The following SLCO3A1 variants were observed in gnomAD, a reference collection of about 807,000 sequenced individuals.
SLCO3A1 encodes the protein solute carrier organic anion transporter family member 3A1.
SLCO3A1 carries 27 observed loss-of-function variants against 63.1 expected under a neutral mutation model. The observed-to-expected ratio is 0.43, with a 90% CI of 0.32 to 0.59. The LOEUF (loss-of-function observed/expected upper bound fraction) is 0.59, where lower values mean the gene tolerates loss of function less well. Among genes scored for constraint, SLCO3A1 ranks in the 20% least tolerant of loss-of-function variants. The probability of loss-of-function intolerance (pLI) is 0.09; values close to 1 mark genes in which losing one functional copy is unlikely to be tolerated. For synonymous variants in SLCO3A1, 473 were observed against 409.9 expected (o/e 1.15, Z -1.86); for missense variants, 773 against 945.8 (o/e 0.82, Z 2.40).
intron 2 of SLCO3A1, among the ~76,000 whole-genome samples, chr15:92,061,993 AACTC>A (rs759155574): frequency 1.3e-4 from 20 of 152,120 alleles, no homozygotes; most frequent in Non-Finnish European, 2.6e-4. Flanking sequence ...ACAGCGCCCC[AACTC>A]ACACCCAGCC....
At chr15:92,096,165 G>C (rs548686107) in intron 3 of SLCO3A1, among the ~76,000 whole-genome samples, 3 of 152,310 alleles carry the variant, frequency 2.0e-5, no homozygotes, top group East Asian at 1.9e-4. Context: ...CCAAGGCTCA[G>C]CTTGGGGAGG....
chr15:91,947,902 G>A (rs1250651233), intron 2 of SLCO3A1, among the ~76,000 whole-genome samples: 1 of 152,160 alleles, frequency 6.6e-6, no homozygotes, highest in African/African-American at 2.4e-5. Flanking sequence ...TTGACACACA[G>A]CTGCTGGCAA....
chr15:91,953,249 G>C (rs1900058003), intron 2 of SLCO3A1, among the ~76,000 whole-genome samples: 1 of 152,232 alleles, frequency 6.6e-6, no homozygotes, highest in South Asian at 2.1e-4. Flanking sequence ...TCACTCGTTT[G>C]TTCTAACCTT....
chr15:92,120,083 A>G (rs1316056062), intron 4 of SLCO3A1, among the ~76,000 whole-genome samples: 1 of 152,108 alleles, frequency 6.6e-6, no homozygotes, highest in African/African-American at 2.4e-5. Flanking sequence ...ATAAACACAC[A>G]CACACACACA....
At chr15:91,876,169 C>T (rs533817853) in intron 1 of SLCO3A1, among the ~76,000 whole-genome samples, 1 of 152,310 alleles carries the variant, frequency 6.6e-6, no homozygotes, top group African/African-American at 2.4e-5. Context: ...TAAAAGCCAC[C>T]TCCTGCTAAA....
At chr15:91,898,911 C>T (rs568731424) in intron 1 of SLCO3A1, among the ~76,000 whole-genome samples, 28 of 152,178 alleles carry the variant, frequency 1.8e-4, no homozygotes, top group Non-Finnish European at 1.5e-5. Context: ...TTTTATTCTT[C>T]GTGGCTCCTA....
At chr15:92,145,604 G>A (rs2048211544) in intron 7 of SLCO3A1, among the ~76,000 whole-genome samples, 1 of 152,142 alleles carries the variant, frequency 6.6e-6, no homozygotes, top group South Asian at 2.1e-4. Flanking sequence ...TGCCCAGTGA[G>A]GTGAGGTTCT....
Position 92,033,830 on chromosome 15 carries a change from C to G in SLCO3A1, c.647-61051C>G, listed in dbSNP as rs577259464. 6.1e-4 allele frequency among the ~76,000 whole-genome samples: 93 copies of G among 152,236 alleles called. 1 individual carries two copies. The highest frequency in any genetic ancestry group is 1.9e-3 in the African/African-American group (80 of 41,534). On this transcript the variant is annotated intron_variant, in intron 2 of 9. Coordinates refer to ENST00000318445, the MANE Select transcript of SLCO3A1 (RefSeq NM_013272.4). This position sits in a 1 kb window ranked among gnomAD's most constrained non-coding sequence, Gnocchi z 4.5. ...GTAAAGACATCAAGGGAGTGAGGGA[C>G]AAGCCGGGAGGTTATCTGGAGGAAA...
At chr15:92,071,429 G>C (rs530711426) in intron 2 of SLCO3A1, among the ~76,000 whole-genome samples, 1 of 152,278 alleles carries the variant, frequency 6.6e-6, no homozygotes, top group Non-Finnish European at 1.5e-5. Context: ...GTTTGGACTT[G>C]GAAACAGATG....
chr15:92,061,425 C>T (rs889598123), intron 2 of SLCO3A1, among the ~76,000 whole-genome samples: 2 of 152,232 alleles, frequency 1.3e-5, no homozygotes, highest in Admixed American at 1.3e-4. Context: ...CTTCTCTCCA[C>T]TCCCCACTGG....
At chr15:92,064,987 A>G (rs1329337145) in intron 2 of SLCO3A1, among the ~76,000 whole-genome samples, 1 of 152,244 alleles carries the variant, frequency 6.6e-6, no homozygotes, top group Non-Finnish European at 1.5e-5. Context: ...AATTTATTAT[A>G]TTTTTAAAAA....
At chr15:92,159,431 G>A (rs1228157731) in intron 9 of SLCO3A1, among the ~76,000 whole-genome samples, 1 of 151,664 alleles carries the variant, frequency 6.6e-6, no homozygotes, top group Non-Finnish European at 1.5e-5. Context: ...GTTGTAGTGA[G>A]CCGAGATCAT....
intron 2 of SLCO3A1, among the ~76,000 whole-genome samples, chr15:92,084,624 C>G (rs969479398): frequency 2.0e-5 from 3 of 152,048 alleles, no homozygotes; most frequent in Non-Finnish European, 4.4e-5. Flanking sequence ...GATAGCAGTC[C>G]CTGGGTTTCT....
intron 2 of SLCO3A1, among the ~76,000 whole-genome samples, chr15:91,930,139 C>T (rs1899173078): frequency 6.6e-6 from 1 of 152,068 alleles, no homozygotes; most frequent in Non-Finnish European, 1.5e-5. Flanking sequence ...CCTTGTCCTC[C>T]CCTCTCTCTT....
chr15:92,108,224 G>T (rs2047688771), intron 4 of SLCO3A1, among the ~76,000 whole-genome samples: 1 of 152,128 alleles, frequency 6.6e-6, no homozygotes, highest in African/African-American at 2.4e-5. Context: ...CAAATGCTTG[G>T]GTTTGTTAAA....
At chr15:91,957,921 A>G (rs1025521535) in intron 2 of SLCO3A1, among the ~76,000 whole-genome samples, 1 of 152,144 alleles carries the variant, frequency 6.6e-6, no homozygotes, top group African/African-American at 2.4e-5. Context: ...ACAGGTACTC[A>G]CCAGGTCTTT....
At chr15:91,951,299 A>G (rs189373009) in intron 2 of SLCO3A1, among the ~76,000 whole-genome samples, 1 of 152,276 alleles carries the variant, frequency 6.6e-6, no homozygotes, top group East Asian at 1.9e-4. Context: ...GACATTTAAT[A>G]TACATGGAAT....
At chr15:91,996,088 C>T (rs1299036528) in intron 2 of SLCO3A1, among the ~76,000 whole-genome samples, 1 of 152,022 alleles carries the variant, frequency 6.6e-6, no homozygotes, top group African/African-American at 2.4e-5. Flanking sequence ...CCCATATTTG[C>T]AGATAAGATT....
intron 7 of SLCO3A1, among the ~76,000 whole-genome samples, chr15:92,144,843 G>A (rs74028823): frequency 1.8e-4 from 28 of 152,174 alleles, no homozygotes; most frequent in African/African-American, 3.4e-4. Context: ...TGCCTCACCC[G>A]TGCTCATGAG....
Sources: allele counts gnomAD v4.1 joint callset (sites outside exome capture counted in the v4.1 genomes callset), GRCh38; gene constraint gnomAD v4.1.1; non-coding constraint Gnocchi (gnomAD v3.1); transcripts MANE v1.5; gene names NCBI Gene and HGNC (gene_info 2026-07-23, HGNC 2026-07-21).